AIMP2: variants seen among roughly 807,000 people sequenced by gnomAD.
The protein encoded by AIMP2 is aminoacyl tRNA synthetase complex interacting multifunctional protein 2.
AIMP2 carries 20 observed loss-of-function variants against 23.4 expected under a neutral mutation model. The ratio of observed to expected loss-of-function variants is 0.85; its 90% CI spans 0.60 to 1.24. The LOEUF is 1.24. AIMP2 is among the 50% of genes most tolerant of loss of function. The pLI is 0.00. For synonymous variants in AIMP2, 210 were observed against 170.4 expected, an observed-to-expected ratio of 1.23 and a Z score of -1.81; for missense variants, 515 against 414.5, an observed-to-expected ratio of 1.24 and a Z score of -2.10.
intron 2 of AIMP2, 137 bp downstream of exon 2, chr7:6,015,489 C>G (rs550005270): frequency 1.1e-6 from 1 of 878,818 alleles, no homozygotes; most frequent in East Asian, 2.7e-5. Flanking sequence ...CTTTGGGAAG[C>G]CAAGGCGGGC....
chr7:6,021,484 G>A (rs1447191880), intron 3 of AIMP2, among the ~76,000 whole-genome samples: 1 of 152,086 alleles, frequency 6.6e-6, no homozygotes, highest in Non-Finnish European at 1.5e-5. Flanking sequence ...AGAAACCTGT[G>A]TCCAGATGTG....
Position 6,023,299 on chromosome 7 carries a change from T to C in AIMP2, c.575-4T>C, listed in dbSNP as rs952349709. ...ATGCTACCTGGCGTGTTTTTTCTTT[T>C]CAGTGCCGAAGACGCAGATGAAATT... On this transcript the variant is annotated splice_polypyrimidine_tract_variant and splice_region_variant and intron_variant, in intron 3 of 3. Transcript: ENST00000223029. 4 of 1,585,314 alleles carry C rather than the reference T, an allele frequency of 2.5e-6. No homozygotes were observed. Among genetic ancestry groups the C allele is most frequent in the Admixed American group, 1.8e-5 (1 of 56,166 alleles).
intron 3 of AIMP2, among the ~76,000 whole-genome samples, chr7:6,018,409 A>G (rs566527193): frequency 5.7e-4 from 86 of 150,984 alleles, no homozygotes; most frequent in African/African-American, 1.9e-3. Flanking sequence ...CAGCCTCCCA[A>G]AGTGCTGGGA....
chr7:6,011,273 C>T (rs1030355068), intron 1 of AIMP2, among the ~76,000 whole-genome samples: 1 of 152,202 alleles, frequency 6.6e-6, no homozygotes, highest in Non-Finnish European at 1.5e-5. Context: ...TATGCGCTCG[C>T]TCACCGCTCA....
intron 3 of AIMP2, among the ~76,000 whole-genome samples, chr7:6,020,893 C>T (rs374666131): frequency 6.6e-6 from 1 of 152,130 alleles, no homozygotes; most frequent in East Asian, 1.9e-4. Flanking sequence ...TATGATCAGG[C>T]GAGCTCTTAC....
At chr7:6,021,911 A>G (rs7794248) in intron 3 of AIMP2, among the ~76,000 whole-genome samples, 2,249 of 152,266 alleles carry the variant, frequency 0.015, 49 homozygotes, top group African/African-American at 0.051. Flanking sequence ...GTATTTCCCT[A>G]AAGTTACACC....
intron 3 of AIMP2, among the ~76,000 whole-genome samples, chr7:6,020,504 GA>G (rs1341151379): frequency 6.6e-6 from 1 of 152,294 alleles, no homozygotes; most frequent in East Asian, 1.9e-4. Context: ...TAAGATTTTA[GA>G]AAAAGCAAAG....
chr7:6,023,185 A>G (rs1055912499), intron 3 of AIMP2, 118 bp from the exon 4 acceptor site: 2 of 1,236,454 alleles, frequency 1.6e-6, no homozygotes, highest in African/African-American at 1.5e-5. Context: ...TCTTCTTGAA[A>G]ACACCCTTTC....
rs750336358 is a variant in AIMP2 at position 6,018,006 on chromosome 7, C to G, written c.535C>G (p.Gln179Glu). 1.2e-6 allele frequency: 2 copies of G among 1,614,036 alleles called. No homozygotes were observed. The highest frequency in any genetic ancestry group is 1.7e-6 in the Non-Finnish European group (2 of 1,180,010). Residue 179 changes from glutamine (Q) to glutamate (E), a missense_variant, in exon 3 of 4, where the codon CAA becomes GAA. Physicochemically the swap from Gln to Glu is conservative, Grantham distance 29. Transcript: ENST00000223029. ...FGEQNKKQPRQDYQLGFTLIW... is the reference protein window; with the variant it reads ...FGEQNKKQPREDYQLGFTLIW... ...AGAACAGAATAAAAAACAGCCCCGCCAAGACTATCAGCTGGGATTCACTTT... is the reference window on the plus strand; with the variant it reads ...AGAACAGAATAAAAAACAGCCCCGCGAAGACTATCAGCTGGGATTCACTTT...
Position 6,023,634 on chromosome 7 carries a change from G to A in AIMP2, c.906G>A (p.Trp302Ter), listed in dbSNP as rs1787630892. The change falls in exon 4 of 4, where the codon TGG becomes TGA. Residue 302 changes from tryptophan (W) to a stop codon, truncating the protein, a stop_gained. Transcript: ENST00000223029. LOFTEE classifies it high-confidence loss of function. ...CAGTGCCAGCCAATGTGCAGAGGTG[G>A]ATGAGGTCTTGTGAAAACCTGGCTC... The part of the protein sequence containing the change: ...SVTVPANVQR[W>*]MRSCENLAPF... 2 of 1,614,172 alleles carry A rather than the reference G, an allele frequency of 1.2e-6. No homozygotes were observed. Among genetic ancestry groups the A allele is most frequent in the Non-Finnish European group, 1.7e-6 (2 of 1,180,028 alleles).
rs1408389683 is a variant in AIMP2, at chr7:6,009,371, T to G, written c.8T>G (p.Met3Arg). 2 of 1,611,836 alleles carry G rather than the reference T, an allele frequency of 1.2e-6. No individual in the cohort carries two copies. The highest frequency in any genetic ancestry group is 1.7e-6 in the Non-Finnish European group (2 of 1,179,992). Residue 3 changes from methionine to arginine, a missense_variant, in exon 1 of 4, where the codon ATG becomes AGG. Met to Arg is a moderately conservative substitution (Grantham distance 91). Coordinates refer to ENST00000223029, the MANE Select transcript of AIMP2 (RefSeq NM_006303.4). MP[M>R]YQVKPYHGGG... is the part of the protein sequence containing the mutation. ...TTTTGCTTTGGTTCTGCCATGCCGA[T>G]GTACCAGGTAAAGCCCTATCACGGG...
intron 1 of AIMP2, among the ~76,000 whole-genome samples, chr7:6,009,974 A>AAAAAAAATATAT: frequency 1.1e-4 from 3 of 26,674 alleles, no homozygotes; most frequent in African/African-American, 1.4e-4. Flanking sequence ...AAAAAAAAAA[A>AAAAAAAATATAT]ATATATATAT....
intron 2 of AIMP2, among the ~76,000 whole-genome samples, chr7:6,016,152 T>C (rs1410125339): frequency 6.6e-6 from 1 of 152,178 alleles, no homozygotes; most frequent in Admixed American, 6.6e-5. Context: ...ATATTTCAAA[T>C]GCGTTTTGCT....
chr7:6,012,252 CA>C (rs144366351), intron 1 of AIMP2, among the ~76,000 whole-genome samples: 296 of 113,802 alleles, frequency 2.6e-3, no homozygotes, highest in Non-Finnish European at 2.7e-3. Flanking sequence ...AACCCTGTCT[CA>C]AAAAAAAAAA....
intron 3 of AIMP2, among the ~76,000 whole-genome samples, chr7:6,022,058 T>A (rs1291352885): frequency 6.6e-6 from 1 of 152,114 alleles, no homozygotes; most frequent in African/African-American, 2.4e-5. Context: ...CACTTCAACT[T>A]AATGAATAGT....
chr7:6,020,933 C>T (rs1033563636), intron 3 of AIMP2, among the ~76,000 whole-genome samples: 20 of 152,254 alleles, frequency 1.3e-4, no homozygotes, highest in African/African-American at 4.3e-4. Context: ...TGAGACTTAA[C>T]GGGAAAAGAT....
intron 1 of AIMP2, among the ~76,000 whole-genome samples, chr7:6,009,764 A>G (rs984979553): frequency 1.3e-5 from 2 of 150,654 alleles, no homozygotes; most frequent in African/African-American, 4.9e-5. Context: ...TAGCCTGGCC[A>G]ACATGGTAAA....
chr7:6,010,164 A>C (rs1786535861), intron 1 of AIMP2, among the ~76,000 whole-genome samples: 1 of 150,622 alleles, frequency 6.6e-6, no homozygotes, highest in South Asian at 2.1e-4. Flanking sequence ...AAATCTGTCC[A>C]TATTTTTTCT....
chr7:6,021,545 A>T (rs1197553680), intron 3 of AIMP2, among the ~76,000 whole-genome samples: 2 of 152,122 alleles, frequency 1.3e-5, no homozygotes, highest in Non-Finnish European at 2.9e-5. Flanking sequence ...AATAGATCAT[A>T]GATGGGGCAA....
Sources: allele counts gnomAD v4.1 joint callset (sites outside exome capture counted in the v4.1 genomes callset), GRCh38; gene constraint gnomAD v4.1.1; transcripts MANE v1.5; gene names NCBI Gene and HGNC (gene_info 2026-07-23, HGNC 2026-07-21).